Variants in RNF213 observed in about 807,000 individuals in gnomAD.
RNF213 encodes the protein E3 ubiquitin-protein ligase RNF213.
Under a neutral mutation model 514.4 loss-of-function variants are expected in RNF213, and 341 were observed. The observed-to-expected ratio is 0.66, with a 90% CI of 0.61 to 0.73. The LOEUF is 0.73. RNF213 is among the 30% of genes least tolerant of loss of function. The pLI is 0.00. For synonymous variants in RNF213, 2,655 were observed against 2,658.2 expected (o/e 1.00, Z 0.04); for missense variants, 5,767 against 6,615.6 (o/e 0.87, Z 4.45).
chr17:80,306,578 T>G, intron 12 of RNF213, 110 bp downstream of exon 12: 1 of 1,151,238 alleles, frequency 8.7e-7, no homozygotes, highest in Non-Finnish European at 1.3e-6. Context: ...GTGGGCTGGG[T>G]GCGGTGGCTC....
rs1298922363 is a variant in RNF213 at position 80,345,624 on chromosome 17, T to C, written c.7289T>C (p.Ile2430Thr). The part of the protein sequence containing the change: ...GETGCGKTRL[I>T]KFLSDLRRGG... Reference sequence around the variant, plus strand: ...ACTGGCTGTGGGAAAACCAGGCTTATTAAATTCCTTAGCGACCTGCGGCGT... The same window carrying C: ...ACTGGCTGTGGGAAAACCAGGCTTACTAAATTCCTTAGCGACCTGCGGCGT... The change falls in exon 29 of 68, where the codon ATT becomes ACT. Residue 2430 changes from isoleucine to threonine, a missense_variant. Physicochemically the swap from Ile to Thr is moderately conservative, Grantham distance 89. Coordinates refer to ENST00000582970, the MANE Select transcript of RNF213 (RefSeq NM_001256071.3). The surrounding 1 kb of genome is among the most constrained non-coding windows in gnomAD (Gnocchi z 6.0). The C allele has an allele frequency of 6.2e-7, 1 of 1,614,048 alleles. No individual in the cohort carries two copies. The highest frequency in any genetic ancestry group is 1.7e-5 in the Admixed American group (1 of 60,002).
rs1255702994 is a variant in RNF213, at chr17:80,270,831, A to G, written c.98-2410A>G. 2.0e-5 allele frequency among the ~76,000 whole-genome samples: 3 copies of G among 152,250 alleles called. No individual in the cohort carries two copies. The East Asian group carries it at 5.8e-4, about 29-fold the overall frequency. On this transcript the variant is annotated intron_variant, in intron 2 of 67. Coordinates refer to ENST00000582970, the MANE Select transcript of RNF213 (RefSeq NM_001256071.3). ...GTCCAGGCTTGAGGGGTTCAAGTGT[A>G]CTAGGGCTTTGCTCCATTTCTCTGA...
intron 59 of RNF213, among the ~76,000 whole-genome samples, chr17:80,384,580 G>C (rs1311953883): frequency 1.3e-5 from 2 of 152,132 alleles, no homozygotes; most frequent in African/African-American, 4.8e-5. Context: ...ATGACAGGAA[G>C]GACTTCCTGT....
chr17:80,265,050 T>TTG (rs2043566043), intron 2 of RNF213, among the ~76,000 whole-genome samples: 1 of 99,814 alleles, frequency 1.0e-5, no homozygotes, highest in Non-Finnish European at 2.0e-5. Context: ...GTTTGTTTTT[T>TTG]TTTTTTTTTT....
At chr17:80,279,140 T>C (rs1317996555) in intron 3 of RNF213, among the ~76,000 whole-genome samples, 3 of 152,210 alleles carry the variant, frequency 2.0e-5, no homozygotes, top group African/African-American at 7.2e-5. Context: ...AGCTTTATTG[T>C]GCTTGCCCTT....
intron 3 of RNF213, among the ~76,000 whole-genome samples, chr17:80,277,074 C>CA (rs1047364754): frequency 3.3e-4 from 48 of 145,688 alleles, no homozygotes; most frequent in South Asian, 1.3e-3. Context: ...GCAAACAAAC[C>CA]AAAAAAAAAA....
intron 42 of RNF213, among the ~76,000 whole-genome samples, chr17:80,366,297 T>C (rs1168525406): frequency 6.6e-6 from 1 of 152,226 alleles, no homozygotes; most frequent in Non-Finnish European, 1.5e-5. Flanking sequence ...ATAACTCTGT[T>C]TAACTTTATG....
chr17:80,261,485 G>A (rs2043419651), intron 1 of RNF213, among the ~76,000 whole-genome samples: 1 of 152,214 alleles, frequency 6.6e-6, no homozygotes, highest in Non-Finnish European at 1.5e-5. Context: ...CGGCGGGCCG[G>A]GCCCTGGGGG....
intron 2 of RNF213, among the ~76,000 whole-genome samples, chr17:80,268,276 C>G (rs1414709766): frequency 6.7e-6 from 1 of 149,636 alleles, no homozygotes; most frequent in East Asian, 2.0e-4. Context: ...ATTGCTGGAG[C>G]CCAGGAGGTC....
In RNF213 at chr17:80,361,619, C is replaced by T. The variant is rs909215657; in HGVS notation, c.11201-115C>T. 1.3e-4 allele frequency: 141 copies of T among 1,088,820 alleles called. No homozygotes were observed. In the Admixed American group the frequency reaches 2.0e-3, roughly 15 times the overall value. 67.4% of individuals were successfully genotyped at this position (1,088,820 alleles called of 1,614,324 possible). ...CAGGCAGTTGGTACCCCTTTGTCTACGAGCTCCCATTCAACAAGGCGTCCC... is the reference window on the plus strand; with the variant it reads ...CAGGCAGTTGGTACCCCTTTGTCTATGAGCTCCCATTCAACAAGGCGTCCC... On this transcript the variant is annotated intron_variant, in intron 38 of 67. Coordinates refer to ENST00000582970, the MANE Select transcript of RNF213 (RefSeq NM_001256071.3).
intron 12 of RNF213, among the ~76,000 whole-genome samples, chr17:80,306,856 A>T (rs2045380188): frequency 6.6e-6 from 1 of 151,816 alleles, no homozygotes; most frequent in South Asian, 2.1e-4. Context: ...CATCTCAAAA[A>T]AAAAAAAAAA....
At chr17:80,387,601 C>T (rs1278171318) in intron 63 of RNF213, among the ~76,000 whole-genome samples, 1 of 152,224 alleles carries the variant, frequency 6.6e-6, no homozygotes, top group African/African-American at 2.4e-5. Context: ...AACTGGTGCC[C>T]ACCTCCAGGT....
intron 17 of RNF213, chr17:80,320,083 G>A (rs548223366): frequency 2.3e-4 from 214 of 937,340 alleles, no homozygotes; most frequent in Non-Finnish European, 2.6e-4. Flanking sequence ...AGCAGGTTTT[G>A]GGGTAGTCAC....
chr17:80,393,494 G>A lies in RNF213; in HGVS notation c.15620G>A (p.Arg5207Lys), dbSNP rs557628461. ...GTGCTGAAATGGAATCGAGAAATGA[G>A]ATAGAATTATTTCCTCAGCTATCTT... ...AAVLKWNREM[R>K] is the part of the protein sequence containing the mutation. The change falls in exon 68 of 68, where the codon AGA becomes AAA. Residue 5207 changes from arginine to lysine, a missense_variant. Arg to Lys is a conservative substitution (Grantham distance 26, BLOSUM62 2). Coordinates refer to ENST00000582970, the MANE Select transcript of RNF213 (RefSeq NM_001256071.3). 6 of 1,614,066 alleles carry A rather than the reference G, an allele frequency of 3.7e-6. No individual in the cohort carries two copies. The highest frequency in any genetic ancestry group is 1.3e-5 in the African/African-American group (1 of 75,050).
intron 11 of RNF213, among the ~76,000 whole-genome samples, chr17:80,303,090 C>A (rs1031986535): frequency 6.6e-6 from 1 of 152,200 alleles, no homozygotes; most frequent in Non-Finnish European, 1.5e-5. Flanking sequence ...AAGTACTACT[C>A]AAGGCACAGC....
At chr17:80,313,242 A>G (rs1598987410) in intron 15 of RNF213, 75 bp downstream of exon 15, 1 of 1,587,690 alleles carries the variant, frequency 6.3e-7, no homozygotes, top group African/African-American at 1.3e-5. Context: ...ATCATGGGGT[A>G]CAGGCTGCTG....
At position 80,295,510 on chromosome 17, in the gene RNF213, G is replaced by A. The variant is rs757244125; in HGVS notation, c.1756-47G>A. ...TGGGGCAGCTCTGGACACTGCCGGT[G>A]AATTCAAGTCCATGGTTCATGCATC... On this transcript the variant is annotated intron_variant, in intron 9 of 67. Transcript: ENST00000582970. 4.3e-6 allele frequency: 7 copies of A among 1,612,460 alleles called. No homozygotes were observed. In the Admixed American group the frequency reaches 1.2e-4, roughly 27 times the overall value.
At chr17:80,286,766 G>T (rs1037810486) in intron 3 of RNF213, among the ~76,000 whole-genome samples, 1 of 152,078 alleles carries the variant, frequency 6.6e-6, no homozygotes, top group Non-Finnish European at 1.5e-5. Context: ...GGTTTCAGGG[G>T]ATCTACAAGT....
At chr17:80,349,493 G>A (rs777644140) in intron 29 of RNF213, among the ~76,000 whole-genome samples, 9 of 152,156 alleles carry the variant, frequency 5.9e-5, no homozygotes, top group Non-Finnish European at 1.2e-4. Context: ...TCTCAAGTAC[G>A]GACCAAGCAG....
Sources: allele counts gnomAD v4.1 joint callset (sites outside exome capture counted in the v4.1 genomes callset), GRCh38; gene constraint gnomAD v4.1.1; non-coding constraint Gnocchi (gnomAD v3.1); transcripts MANE v1.5; gene names NCBI Gene and HGNC (gene_info 2026-07-23, HGNC 2026-07-21).